Variants in MSI2 observed in about 807,000 individuals in gnomAD.
The protein encoded by MSI2 is RNA-binding protein Musashi homolog 2.
MSI2 carries 17 observed loss-of-function variants against 45.6 expected under a neutral mutation model. That is an observed-to-expected ratio of 0.37 (90% CI 0.26 to 0.56). The LOEUF (loss-of-function observed/expected upper bound fraction) is 0.56, where lower values mean the gene tolerates loss of function less well. Ranked by LOEUF, MSI2 falls within the 20% of genes least tolerant of loss-of-function variation. The pLI is 0.77. For synonymous variants in MSI2, 156 were observed against 158.2 expected, an observed-to-expected ratio of 0.99 and a Z score of 0.11; for missense variants, 293 against 444.2, an observed-to-expected ratio of 0.66 and a Z score of 3.06.
intron 9 of MSI2, among the ~76,000 whole-genome samples, chr17:57,624,762 C>G (rs1193203089): frequency 2.6e-5 from 4 of 152,186 alleles, no homozygotes; most frequent in Non-Finnish European, 5.9e-5. Flanking sequence ...GGGAAAGGAG[C>G]CACAGCTGGT....
At chr17:57,393,791 C>T (rs1241429103) in intron 5 of MSI2, among the ~76,000 whole-genome samples, 1 of 152,228 alleles carries the variant, frequency 6.6e-6, no homozygotes, top group Admixed American at 6.5e-5. Context: ...AAGTGATTCT[C>T]CTGCCTCAGC....
At chr17:57,561,567 C>T (rs1224099748) in intron 7 of MSI2, among the ~76,000 whole-genome samples, 2 of 152,194 alleles carry the variant, frequency 1.3e-5, no homozygotes, top group African/African-American at 4.8e-5. Flanking sequence ...GAATTGTTTG[C>T]CCAGTTGCTG....
At chr17:57,545,521 A>T (rs2087145427) in intron 7 of MSI2, among the ~76,000 whole-genome samples, 1 of 151,266 alleles carries the variant, frequency 6.6e-6, no homozygotes, top group Admixed American at 6.5e-5. Flanking sequence ...CTGCCCAAAG[A>T]TGGAAACTTC....
chr17:57,529,748 G>T lies in MSI2; in HGVS notation c.454+24G>T. 2 of 1,603,662 alleles carry T rather than the reference G, an allele frequency of 1.2e-6. No individual in the cohort carries two copies. The highest frequency in any genetic ancestry group is 1.1e-5 in the South Asian group (1 of 89,704). On this transcript the variant is annotated intron_variant, in intron 7 of 13. Coordinates refer to ENST00000284073, the MANE Select transcript of MSI2 (RefSeq NM_138962.4). This position sits in a 1 kb window ranked among gnomAD's most constrained non-coding sequence, Gnocchi z 5.3. ...AGGTAAGATTACCCCAGTGTAAGAG[G>T]GTTGCGTTCACCCTCTCCTGGCCTC...
In MSI2 at chr17:57,683,910, ATGTT is replaced by A. The variant is rs1394842578; in HGVS notation, c.*4399_*4402del. Reference sequence around the variant, plus strand: ...TTAAGCAATACTTTAATACTGTAATATGTTTGTTTTCTTTTTCTTTCTTTTTTTT... The same window carrying A: ...TTAAGCAATACTTTAATACTGTAATATGTTTTCTTTTTCTTTCTTTTTTTT... On this transcript the variant is annotated 3_prime_UTR_variant, in exon 14 of 14. Transcript: ENST00000284073. The surrounding 1 kb of genome is among the most constrained non-coding windows in gnomAD (Gnocchi z 5.2). 1 of 230,954 alleles carries A rather than the reference ATGTT, an allele frequency of 4.3e-6. No homozygotes were observed. The highest frequency in any genetic ancestry group is 8.6e-6 in the Non-Finnish European group (1 of 116,700). 14.3% of individuals were successfully genotyped at this position (230,954 alleles called of 1,614,324 possible).
chr17:57,643,979 A>G (rs1301258054), intron 10 of MSI2, among the ~76,000 whole-genome samples: 1 of 152,136 alleles, frequency 6.6e-6, no homozygotes, highest in Admixed American at 6.5e-5. Flanking sequence ...GACAGATGAC[A>G]GGTTCCACGT....
rs543183506 is a variant in MSI2 at position 57,566,407 on chromosome 17, A to G, written c.455-30461A>G. ...CTCCTAATAAAATTTAAAATGAGCT[A>G]AAAAAGCCATGAGAAGACAGTACCA... On this transcript the variant is annotated intron_variant, in intron 7 of 13. Transcript: ENST00000284073. Among the ~76,000 whole-genome samples, 54 of 152,330 alleles carry G rather than the reference A, an allele frequency of 3.5e-4. 1 individual carries two copies. The highest frequency in any genetic ancestry group is 1.2e-3 in the African/African-American group (49 of 41,566).
chr17:57,422,560 T>G (rs979467489), intron 6 of MSI2, among the ~76,000 whole-genome samples: 6 of 152,166 alleles, frequency 3.9e-5, no homozygotes, highest in African/African-American at 1.4e-4. Context: ...GACAGGAAAG[T>G]ACATGCCCAA....
intron 5 of MSI2, among the ~76,000 whole-genome samples, chr17:57,328,521 A>G (rs1914004833): frequency 6.6e-6 from 1 of 152,242 alleles, no homozygotes; most frequent in Non-Finnish European, 1.5e-5. Context: ...AGATCACATT[A>G]TAAAATTAGA....
At chr17:57,438,994 G>A (rs2084745095) in intron 6 of MSI2, among the ~76,000 whole-genome samples, 1 of 152,118 alleles carries the variant, frequency 6.6e-6, no homozygotes, top group African/African-American at 2.4e-5. Flanking sequence ...TAGAAATGGA[G>A]TTTCACCATG....
intron 6 of MSI2, among the ~76,000 whole-genome samples, chr17:57,468,043 A>G (rs532045360): frequency 6.6e-6 from 1 of 151,698 alleles, no homozygotes; most frequent in African/African-American, 2.4e-5. Flanking sequence ...CAGCAATGTC[A>G]AGTGTAGTGG....
At chr17:57,277,424 C>T (rs1841758317) in intron 5 of MSI2, among the ~76,000 whole-genome samples, 1 of 152,106 alleles carries the variant, frequency 6.6e-6, no homozygotes, top group Non-Finnish European at 1.5e-5. Context: ...TGTGAAAGTT[C>T]CAGTCCTAGC....
chr17:57,451,127 G>A (rs188892729), intron 6 of MSI2, among the ~76,000 whole-genome samples: 1 of 152,320 alleles, frequency 6.6e-6, no homozygotes, highest in East Asian at 1.9e-4. Flanking sequence ...AGTGTTGGGG[G>A]TTGAGTACCA....
intron 5 of MSI2, among the ~76,000 whole-genome samples, chr17:57,388,134 A>G (rs2083717375): frequency 6.6e-6 from 1 of 152,192 alleles, no homozygotes; most frequent in Non-Finnish European, 1.5e-5. Flanking sequence ...TAGGTTTAGA[A>G]AAATCATCTT....
chr17:57,587,687 T>C lies in MSI2; in HGVS notation c.455-9181T>C, dbSNP rs112854436. 2.7e-3 allele frequency among the ~76,000 whole-genome samples: 408 copies of C among 152,252 alleles called. 1 individual carries two copies. Among genetic ancestry groups the C allele is most frequent in the African/African-American group, 9.0e-3 (375 of 41,560 alleles). Reference sequence around the variant, plus strand: ...TGTCGACTCACGCCGATCTCTGCCTTGCCTGTGCTTGAGCCACTTGTAATT... The same window carrying C: ...TGTCGACTCACGCCGATCTCTGCCTCGCCTGTGCTTGAGCCACTTGTAATT... On this transcript the variant is annotated intron_variant, in intron 7 of 13. Transcript: ENST00000284073.
At chr17:57,477,735 A>C in intron 6 of MSI2, among the ~76,000 whole-genome samples, 1 of 152,186 alleles carries the variant, frequency 6.6e-6, no homozygotes, top group Non-Finnish European at 1.5e-5. Context: ...AGAGGTTGGC[A>C]AAAGGAACAG....
chr17:57,321,416 C>T (rs1211954121), intron 5 of MSI2, among the ~76,000 whole-genome samples: 2 of 152,082 alleles, frequency 1.3e-5, no homozygotes, highest in Non-Finnish European at 2.9e-5. Context: ...TCAAAGAAAG[C>T]CCCCCTCCCA....
At chr17:57,624,772 T>A (rs1353485322) in intron 9 of MSI2, among the ~76,000 whole-genome samples, 1 of 152,178 alleles carries the variant, frequency 6.6e-6, no homozygotes, top group South Asian at 2.1e-4. Flanking sequence ...CCACAGCTGG[T>A]CTCACTCAAG....
chr17:57,468,556 A>G (rs375990259), intron 6 of MSI2, among the ~76,000 whole-genome samples: 2 of 151,020 alleles, frequency 1.3e-5, no homozygotes, highest in East Asian at 1.9e-4. Flanking sequence ...TGGCTGGCAC[A>G]TTGTACTCAA....
Sources: gnomAD v4.1 joint callset for allele counts (sites outside exome capture counted in the v4.1 genomes callset) on GRCh38, gnomAD v4.1.1 for gene constraint, Gnocchi (gnomAD v3.1) non-coding constraint, MANE v1.5 for transcripts, NCBI Gene and HGNC (gene_info 2026-07-23, HGNC 2026-07-21) for gene names.